Variants in TENM1 observed in about 807,000 individuals in gnomAD.
TENM1 encodes the protein teneurin transmembrane protein 1.
Under a neutral mutation model 174.8 loss-of-function variants are expected in TENM1, and 35 were observed. The ratio of observed to expected loss-of-function variants is 0.20; its 90% CI spans 0.15 to 0.27. The LOEUF is 0.27. Among genes scored for constraint, TENM1 ranks in the 10% least tolerant of loss-of-function variants. TENM1 has a pLI of 1.00. For missense variants in TENM1, 1,633 were observed against 2,130.1 expected (o/e 0.77, Z 4.59); for synonymous variants, 781 against 798.7 (o/e 0.98, Z 0.37).
chrX:124,955,793 G>GCGCACACACACACACA (rs1556430412), intron 1 of TENM1, among the ~76,000 whole-genome samples: 1 of 78,116 alleles, frequency 1.3e-5, no homozygotes, highest in Non-Finnish European at 2.5e-5. Context: ...CAACACACGC[G>GCGCACACACACACACA]CACGCACACA....
At chrX:125,080,541 C>T in the TENM1 span, among the ~76,000 whole-genome samples, 4 of 111,097 alleles carry the variant, frequency 3.6e-5, no homozygotes, top group African/African-American at 9.8e-5. Context: ...TTTACAGATG[C>T]GGAAACTAGG....
intron 3 of TENM1, among the ~76,000 whole-genome samples, chrX:124,748,757 G>A (rs1020713314): frequency 2.7e-5 from 3 of 111,824 alleles, no homozygotes; most frequent in South Asian, 3.7e-4. Flanking sequence ...GACCTATGTC[G>A]GTTTAAATCA....
chrX:124,633,104 T>G (rs2050799178), intron 11 of TENM1, among the ~76,000 whole-genome samples: 1 of 112,195 alleles, frequency 8.9e-6, no homozygotes, highest in Admixed American at 9.5e-5. Context: ...TATTGTCACT[T>G]CATATAGCTA....
At chrX:124,590,768 T>C (rs939751230) in intron 11 of TENM1, among the ~76,000 whole-genome samples, 2 of 112,122 alleles carry the variant, frequency 1.8e-5, no homozygotes, top group Admixed American at 1.9e-4. Flanking sequence ...GTTGAGTGTC[T>C]AAGCTAAGTT....
intron 6 of TENM1, among the ~76,000 whole-genome samples, chrX:124,661,927 A>G (rs966221372): frequency 9.0e-6 from 1 of 111,203 alleles, no homozygotes; most frequent in Non-Finnish European, 1.9e-5. Flanking sequence ...AATAATAATA[A>G]TAGATGCTAC....
chrX:124,613,449 G>A (rs1174935094), intron 11 of TENM1, among the ~76,000 whole-genome samples: 1 of 111,141 alleles, frequency 9.0e-6, no homozygotes, highest in African/African-American at 3.3e-5. Flanking sequence ...TCTTATATCA[G>A]CAAACTATTT....
chrX:124,631,051 T>C (rs1176920313), intron 11 of TENM1, among the ~76,000 whole-genome samples: 1 of 111,993 alleles, frequency 8.9e-6, no homozygotes, highest in East Asian at 2.8e-4. Flanking sequence ...TCCAACCTGT[T>C]TGAGCTCACA....
At chrX:124,626,960 GGATTA>G (rs2050652044) in intron 11 of TENM1, among the ~76,000 whole-genome samples, 1 of 112,304 alleles carries the variant, frequency 8.9e-6, no homozygotes, top group Non-Finnish European at 1.9e-5. Context: ...CTATTGACTA[GGATTA>G]GATTCTCCTC....
the TENM1 span, among the ~76,000 whole-genome samples, chrX:124,996,298 G>A: frequency 9.0e-6 from 1 of 110,535 alleles, no homozygotes; most frequent in African/African-American, 3.3e-5. Flanking sequence ...ACACAAAACC[G>A]TAATTAATTG....
At chrX:124,541,428 T>A (rs922509210) in intron 15 of TENM1, among the ~76,000 whole-genome samples, 1 of 111,827 alleles carries the variant, frequency 8.9e-6, no homozygotes, top group South Asian at 3.8e-4. Flanking sequence ...GTTTGTCACC[T>A]CCTTCTCTCT....
At chrX:124,475,362 C>T (rs1369795107) in intron 22 of TENM1, among the ~76,000 whole-genome samples, 1 of 111,502 alleles carries the variant, frequency 9.0e-6, no homozygotes, top group African/African-American at 3.3e-5. Flanking sequence ...TAAGCATTGC[C>T]ACATCTCCCC....
chrX:125,098,461 C>T, the TENM1 span, among the ~76,000 whole-genome samples: 4 of 111,283 alleles, frequency 3.6e-5, no homozygotes, highest in Non-Finnish European at 5.7e-5. Flanking sequence ...GGATTGATTG[C>T]GTTTGTAGTT....
intron 22 of TENM1, among the ~76,000 whole-genome samples, chrX:124,457,176 T>C (rs2061118464): frequency 1.8e-5 from 2 of 112,053 alleles, no homozygotes; most frequent in African/African-American, 3.2e-5. Flanking sequence ...AGGAAAACAC[T>C]GGCCTCAGAT....
chrX:125,130,846 T>C, the TENM1 span, among the ~76,000 whole-genome samples: 5 of 111,888 alleles, frequency 4.5e-5, no homozygotes, highest in African/African-American at 1.3e-4. Context: ...ACAAAGTCCT[T>C]GTTCCCATAG....
the TENM1 span, among the ~76,000 whole-genome samples, chrX:125,086,483 C>A: frequency 9.0e-6 from 1 of 110,887 alleles, no homozygotes; most frequent in African/African-American, 3.3e-5. Flanking sequence ...TATTCAAATT[C>A]TACTTTATGT....
intron 5 of TENM1, among the ~76,000 whole-genome samples, chrX:124,698,160 C>T (rs1027125621): frequency 1.8e-5 from 2 of 110,757 alleles, no homozygotes; most frequent in Non-Finnish European, 3.8e-5. Context: ...GAGTTCAAGT[C>T]TTCATACTCC....
intron 11 of TENM1, among the ~76,000 whole-genome samples, chrX:124,599,505 G>A (rs1426327552): frequency 1.8e-5 from 2 of 110,888 alleles, no homozygotes; most frequent in Non-Finnish European, 3.8e-5. Flanking sequence ...AAATGAATGG[G>A]GCCTAAGATT....
intron 11 of TENM1, among the ~76,000 whole-genome samples, chrX:124,577,937 T>G (rs1460960778): frequency 9.1e-6 from 1 of 110,156 alleles, no homozygotes; most frequent in Non-Finnish European, 1.9e-5. Context: ...CTATTTTTTT[T>G]TTTTTTGAGG....
At chrX:124,551,208 C>A (rs1199273181) in intron 14 of TENM1, among the ~76,000 whole-genome samples, 2 of 111,698 alleles carry the variant, frequency 1.8e-5, no homozygotes, top group African/African-American at 6.5e-5. Flanking sequence ...AGATTGGGTG[C>A]ACTCAGGGTG....
Sources: allele counts gnomAD v4.1 joint callset (sites outside exome capture counted in the v4.1 genomes callset), GRCh38; gene constraint gnomAD v4.1.1; transcripts MANE v1.5; gene names NCBI Gene and HGNC (gene_info 2026-07-23, HGNC 2026-07-21).